The following ASIC2 variants were observed in gnomAD, a reference collection of about 807,000 sequenced individuals.
ASIC2 encodes acid-sensing ion channel 2.
A neutral mutation model predicts 57.3 loss-of-function variants in ASIC2; 25 were observed. The observed-to-expected ratio is 0.44, with a 90% confidence interval of 0.32 to 0.61. ASIC2 has a LOEUF of 0.61. ASIC2 is among the 20% of genes least tolerant of loss of function. The probability of loss-of-function intolerance (pLI) is 0.06; values close to 1 mark genes in which losing one functional copy is unlikely to be tolerated. For missense variants in ASIC2, 641 were observed against 738.1 expected (o/e 0.87, Z 1.52); for synonymous variants, 319 against 307.5 (o/e 1.04, Z -0.39).
At chr17:33,482,715 C>T (rs1913445913) in intron 1 of ASIC2, among the ~76,000 whole-genome samples, 2 of 152,116 alleles carry the variant, frequency 1.3e-5, no homozygotes, top group Admixed American at 6.5e-5. Flanking sequence ...ACTCCTAACC[C>T]CAGCTGTGCC....
chr17:33,674,750 C>G (rs1907757426), intron 1 of ASIC2, among the ~76,000 whole-genome samples: 1 of 152,162 alleles, frequency 6.6e-6, no homozygotes, highest in African/African-American at 2.4e-5. Flanking sequence ...CTAGTGCTGT[C>G]CCTGGCTGGC....
chr17:34,104,259 A>G (rs1173873617), intron 1 of ASIC2, among the ~76,000 whole-genome samples: 1 of 152,138 alleles, frequency 6.6e-6, no homozygotes. Context: ...CTGCCAATAT[A>G]TAGAAATACA....
intron 1 of ASIC2, among the ~76,000 whole-genome samples, chr17:33,380,814 A>T (rs547013643): frequency 6.6e-6 from 1 of 152,340 alleles, no homozygotes; most frequent in African/African-American, 2.4e-5. Flanking sequence ...GCTATTCCAC[A>T]GATTGGCAGC....
At chr17:33,091,037 G>A (rs555362036) in intron 2 of ASIC2, among the ~76,000 whole-genome samples, 1 of 152,314 alleles carries the variant, frequency 6.6e-6, no homozygotes, top group African/African-American at 2.4e-5. Context: ...TATGCTCCTG[G>A]AAGCCTGTGG....
chr17:33,803,341 A>G (rs1427803002), intron 1 of ASIC2, among the ~76,000 whole-genome samples: 3 of 147,464 alleles, frequency 2.0e-5, no homozygotes, highest in Middle Eastern at 3.2e-3. Flanking sequence ...GTGTATGTGT[A>G]TATGTGTGGG....
intron 1 of ASIC2, among the ~76,000 whole-genome samples, chr17:34,124,707 C>T (rs1461516315): frequency 6.6e-6 from 1 of 152,152 alleles, no homozygotes; most frequent in East Asian, 1.9e-4. Context: ...TTGGGGGCCC[C>T]CTTCCCAGTT....
intron 1 of ASIC2, among the ~76,000 whole-genome samples, chr17:33,147,502 G>A (rs368742127): frequency 1.3e-5 from 2 of 152,130 alleles, no homozygotes; most frequent in South Asian, 4.1e-4. Flanking sequence ...CCAGTGTTTG[G>A]GCCAGAGGAA....
At chr17:33,868,072 T>C (rs1244372280) in intron 1 of ASIC2, among the ~76,000 whole-genome samples, 4 of 151,544 alleles carry the variant, frequency 2.6e-5, no homozygotes, top group Non-Finnish European at 5.9e-5. Flanking sequence ...GCTAGGAACA[T>C]TTTTTTTTCT....
rs1408549415 is a variant in ASIC2 at position 33,292,002 on chromosome 17, G to C, written c.114C>G (p.Pro38=). 6.1e-5 allele frequency: 76 copies of C among 1,240,368 alleles called. No homozygotes were observed. The highest frequency in any genetic ancestry group is 7.5e-5 in the Non-Finnish European group (75 of 998,582). 76.8% of individuals were successfully genotyped at this position (1,240,368 alleles called of 1,614,324 possible). ...APAALAAAGQ[P]GGGRGGERAL... is the part of the protein sequence containing the mutation. ...CCCGCTCGCCGCCTCTGCCGCCCCC[G>C]GGCTGCCCGGCAGCCGCCAACGCCG... is the stretch of plus-strand genomic sequence containing the variant. Residue 38 remains proline (P), a synonymous_variant, in exon 1 of 10, where the codon CCC becomes CCG. Coordinates refer to ENST00000225823, the MANE Select transcript of ASIC2 (RefSeq NM_183377.2).
intron 1 of ASIC2, among the ~76,000 whole-genome samples, chr17:33,212,685 C>G (rs1166708423): frequency 6.6e-6 from 1 of 152,220 alleles, no homozygotes; most frequent in African/African-American, 2.4e-5. Flanking sequence ...AAGGAATGGG[C>G]TGGCCTGCAG....
At chr17:33,936,163 C>G (rs1017723793) in intron 1 of ASIC2, 1 of 152,136 alleles carries the variant, frequency 6.6e-6, no homozygotes, top group Non-Finnish European at 1.5e-5. Context: ...GTTTACCAAA[C>G]CAAAGTGCAA....
intron 1 of ASIC2, among the ~76,000 whole-genome samples, chr17:33,165,754 TGAGGA>T (rs752620123): frequency 1.6e-4 from 24 of 152,120 alleles, no homozygotes; most frequent in Non-Finnish European, 2.5e-4. Flanking sequence ...AGCTACCTTT[TGAGGA>T]GAGGAACAAG....
chr17:33,254,154 C>T (rs186682582), intron 1 of ASIC2, among the ~76,000 whole-genome samples: 1 of 152,172 alleles, frequency 6.6e-6, no homozygotes, highest in Non-Finnish European at 1.5e-5. Flanking sequence ...TAAGGAGGCT[C>T]AGGCAACTAT....
intron 1 of ASIC2, among the ~76,000 whole-genome samples, chr17:33,127,842 C>T (rs771797399): frequency 4.6e-5 from 7 of 152,170 alleles, no homozygotes; most frequent in Non-Finnish European, 1.0e-4. Context: ...AAAGCAAACG[C>T]CCCTGCTTAA....
upstream of ASIC2, among the ~76,000 whole-genome samples, chr17:33,297,817 T>C (rs1046203598): frequency 7.3e-6 from 1 of 136,738 alleles, no homozygotes; most frequent in Non-Finnish European, 1.6e-5. Context: ...AGTGAGACCC[T>C]GTCTCAAAAT....
chr17:33,777,633 C>A (rs1462175463), intron 1 of ASIC2, among the ~76,000 whole-genome samples: 2 of 152,112 alleles, frequency 1.3e-5, no homozygotes, highest in Non-Finnish European at 2.9e-5. Context: ...CATTTGGACA[C>A]CTGAATTCAG....
At chr17:33,827,698 A>C (rs758526847) in intron 1 of ASIC2, 1 of 150,324 alleles carries the variant, frequency 6.7e-6, no homozygotes, top group Non-Finnish European at 1.5e-5. Context: ...TTACTACAGT[A>C]TTTTTTTTTC....
intron 1 of ASIC2, among the ~76,000 whole-genome samples, chr17:33,219,498 A>G (rs1907617286): frequency 6.6e-6 from 1 of 152,294 alleles, no homozygotes; most frequent in African/African-American, 2.4e-5. Context: ...CAACACTATG[A>G]CAGTCATTGC....
intron 1 of ASIC2, among the ~76,000 whole-genome samples, chr17:33,516,641 G>A (rs1004802484): frequency 2.6e-5 from 4 of 152,124 alleles, no homozygotes; most frequent in African/African-American, 9.7e-5. Context: ...ACTGGTGTTG[G>A]GTACAACGGA....
Sources: gnomAD v4.1 joint callset for allele counts (sites outside exome capture counted in the v4.1 genomes callset) on GRCh38, gnomAD v4.1.1 for gene constraint, MANE v1.5 for transcripts, NCBI Gene and HGNC (gene_info 2026-07-23, HGNC 2026-07-21) for gene names.